The following FAT4 variants were observed in gnomAD, a reference collection of about 807,000 sequenced individuals.
FAT4 encodes FAT atypical cadherin 4, also known as protocadherin Fat 4.
A neutral mutation model predicts 303.9 loss-of-function variants in FAT4; 84 were observed. The ratio of observed to expected loss-of-function variants is 0.28; its 90% CI spans 0.23 to 0.33. The LOEUF (loss-of-function observed/expected upper bound fraction) is 0.33, where lower values mean the gene tolerates loss of function less well. Among genes scored for constraint, FAT4 ranks in the 10% least tolerant of loss-of-function variants. The pLI is 1.00. For missense variants in FAT4, 6,005 were observed against 6,146.8 expected (o/e 0.98, Z 0.77); for synonymous variants, 2,307 against 2,298.8 (o/e 1.00, Z -0.10).
intron 2 of FAT4, among the ~76,000 whole-genome samples, chr4:125,388,618 C>T (rs1268147620): frequency 1.3e-5 from 2 of 152,070 alleles, no homozygotes; most frequent in Non-Finnish European, 2.9e-5. Context: ...TCTGCATTTA[C>T]TTTTGAGCAT....
chr4:125,385,965 T>C (rs1403345506), intron 2 of FAT4, among the ~76,000 whole-genome samples: 1 of 152,172 alleles, frequency 6.6e-6, no homozygotes, highest in Non-Finnish European at 1.5e-5. Flanking sequence ...ATTTATTTTG[T>C]GATTTATTTC....
At position 125,490,247 on chromosome 4, in the gene FAT4, G is replaced by C; in HGVS notation, c.13431G>C (p.Gln4477His). 2 of 1,614,124 alleles carry C rather than the reference G, an allele frequency of 1.2e-6. No individual in the cohort carries two copies. The highest frequency in any genetic ancestry group is 1.7e-6 in the Non-Finnish European group (2 of 1,180,028). Reference sequence around the variant, plus strand: ...CCTGTCTTGGCGTCCTCTGTCCTCAGGGGAAGGTGTGCAAAGCTGGAAGTC... The same window carrying C: ...CCTGTCTTGGCGTCCTCTGTCCTCACGGGAAGGTGTGCAAAGCTGGAAGTC... ...VVACLGVLCPQGKVCKAGSPA... is the reference protein window; with the variant it reads ...VVACLGVLCPHGKVCKAGSPA... The change falls in exon 18 of 18, where the codon CAG (glutamine) becomes CAC (histidine). Residue 4477 changes from glutamine (Q) to histidine (H), a missense_variant. Gln to His is a conservative substitution (Grantham distance 24). Coordinates refer to ENST00000394329, the MANE Select transcript of FAT4 (RefSeq NM_001291303.3).
chr4:125,416,728 T>G lies in FAT4; in HGVS notation c.7018+106T>G, dbSNP rs181077627. ...TGGGAGGCCAAGGTGGATGGATTAC[T>G]TGAGGTCGGGAGTTCAAGACCAGCC... On this transcript the variant is annotated intron_variant, in intron 7 of 17. Coordinates refer to ENST00000394329, the MANE Select transcript of FAT4 (RefSeq NM_001291303.3). The G allele has an allele frequency of 1.2e-3, 1,329 of 1,136,970 alleles. 5 individuals carry two copies. The highest frequency in any genetic ancestry group is 5.4e-3 in the Admixed American group (254 of 46,666). The allele number at this position is 1,136,970 out of a possible 1,614,324, so 70.4% of individuals were successfully genotyped here.
intron 7 of FAT4, among the ~76,000 whole-genome samples, chr4:125,432,875 A>G (rs190187317): frequency 2.4e-4 from 36 of 152,170 alleles, no homozygotes; most frequent in Admixed American, 5.2e-4. Flanking sequence ...TAATTGCATC[A>G]TTTTCTGGGA....
chr4:125,344,020 G>C (rs1307702044), intron 2 of FAT4, among the ~76,000 whole-genome samples: 1 of 152,118 alleles, frequency 6.6e-6, no homozygotes, highest in Non-Finnish European at 1.5e-5. Context: ...TGTATTAGGA[G>C]AGAGAGCCTT....
At position 125,317,412 on chromosome 4, in the gene FAT4, C is replaced by T; in HGVS notation, c.1001C>T (p.Thr334Ile). 2 of 1,613,572 alleles carry T rather than the reference C, an allele frequency of 1.2e-6. No individual in the cohort carries two copies. The highest frequency in any genetic ancestry group is 1.7e-6 in the Non-Finnish European group (2 of 1,180,040). ...ATGGACAGAGGCGTGCCTTCCCTCACTGGGCGCGCCGAGGCGCTGATTCAG... is the reference window on the plus strand; with the variant it reads ...ATGGACAGAGGCGTGCCTTCCCTCATTGGGCGCGCCGAGGCGCTGATTCAG... Reference protein sequence around the residue: ...QAMDRGVPSLTGRAEALIQLL... With the variant: ...QAMDRGVPSLIGRAEALIQLL... Residue 334 changes from threonine (T) to isoleucine (I), a missense_variant, in exon 2 of 18, where the codon ACT (threonine) becomes ATT (isoleucine). Thr to Ile is a moderately conservative substitution (Grantham distance 89). Transcript: ENST00000394329. This position sits in a 1 kb window ranked among gnomAD's most constrained non-coding sequence, Gnocchi z 7.0.
At chr4:125,343,093 T>C (rs968583101) in intron 2 of FAT4, among the ~76,000 whole-genome samples, 2 of 152,182 alleles carry the variant, frequency 1.3e-5, no homozygotes, top group African/African-American at 4.8e-5. Flanking sequence ...TTTACGCTTT[T>C]AAAATCATAT....
At chr4:125,391,167 G>T (rs540003182) in intron 2 of FAT4, among the ~76,000 whole-genome samples, 1 of 152,048 alleles carries the variant, frequency 6.6e-6, no homozygotes, top group Non-Finnish European at 1.5e-5. Context: ...CCCATTACTG[G>T]GTATATACCC....
chr4:125,328,876 G>A (rs1161368920), intron 2 of FAT4, among the ~76,000 whole-genome samples: 4 of 152,218 alleles, frequency 2.6e-5, no homozygotes, highest in African/African-American at 9.6e-5. Flanking sequence ...ACTAACTAAT[G>A]CTACTTGTAA....
chr4:125,468,470 T>G, intron 11 of FAT4, 42 bp from the exon 12 acceptor site: 1 of 1,328,500 alleles, frequency 7.5e-7, no homozygotes. Context: ...AATAAAATTT[T>G]CATGAAATTT....
chr4:125,356,804 A>G (rs1732444659), intron 2 of FAT4, among the ~76,000 whole-genome samples: 1 of 149,646 alleles, frequency 6.7e-6, no homozygotes, highest in Non-Finnish European at 1.5e-5. Context: ...AATATAAGAT[A>G]TGATAATATA....
At chr4:125,425,613 A>T (rs970955803) in intron 7 of FAT4, among the ~76,000 whole-genome samples, 2 of 152,140 alleles carry the variant, frequency 1.3e-5, no homozygotes, top group African/African-American at 4.8e-5. Flanking sequence ...AGTATAAAGT[A>T]CAAAGCGAAT....
In FAT4 at chr4:125,398,805, A is replaced by G. The variant is rs754723987; in HGVS notation, c.5197A>G (p.Ile1733Val). 2 of 1,613,178 alleles carry G rather than the reference A, an allele frequency of 1.2e-6. No individual in the cohort carries two copies. The highest frequency in any genetic ancestry group is 1.7e-6 in the Non-Finnish European group (2 of 1,179,342). Residue 1733 changes from isoleucine (I) to valine (V), a missense_variant, in exon 3 of 18, where the codon ATC (isoleucine) becomes GTC (valine). By Grantham distance (29) the Ile-to-Val change is conservative (BLOSUM62 3). Coordinates refer to ENST00000394329, the MANE Select transcript of FAT4 (RefSeq NM_001291303.3). Reference sequence around the variant, plus strand: ...GTAGGTAGAAATAACACTTCAGGATATCAATGACAATCCACCAGTATTTCC... The same window carrying G: ...GTAGGTAGAAATAACACTTCAGGATGTCAATGACAATCCACCAGTATTTCC... Reference protein sequence around the residue: ...RAEVEITLQDINDNPPVFPTD... With the variant: ...RAEVEITLQDVNDNPPVFPTD...
Position 125,449,541 on chromosome 4 carries a change from G to A in FAT4, c.8531G>A (p.Arg2844Lys). The A allele has an allele frequency of 6.2e-7, 1 of 1,613,536 alleles. No homozygotes were observed. Among genetic ancestry groups the A allele is most frequent in the South Asian group, 1.1e-5 (1 of 91,066 alleles). ...PLNREDTDRYRIRVSAHDSGW... is the reference protein window; with the variant it reads ...PLNREDTDRYKIRVSAHDSGW... ...AATAGGGAAGATACAGACCGTTACA[G>A]AATTCGAGTTTCCGCACATGATTCT... Residue 2844 changes from arginine (R) to lysine (K), a missense_variant, in exon 10 of 18, where the codon AGA becomes AAA. Physicochemically the swap from Arg to Lys is conservative, Grantham distance 26. Transcript: ENST00000394329.
At chr4:125,440,890 A>G (rs2135427) in intron 8 of FAT4, among the ~76,000 whole-genome samples, 151,212 of 152,248 alleles carry the variant, frequency 0.99, 75,097 homozygotes, top group Middle Eastern at 1. Flanking sequence ...CACACCTTGC[A>G]GCTAAGGGTC....
rs769002810 is a variant in FAT4, at chr4:125,490,057, A to G, written c.13241A>G (p.Asp4414Gly). The G allele has an allele frequency of 2.5e-6, 4 of 1,613,758 alleles. No homozygotes were observed. The highest frequency in any genetic ancestry group is 3.4e-6 in the Non-Finnish European group (4 of 1,179,968). ...NICASNPCWG[D>G]LLCINQWYAY... ...TGTGCCAGCAACCCCTGCTGGGGTG[A>G]TTTGCTGTGCATTAATCAGTGGTAT... Residue 4414 changes from aspartate to glycine, a missense_variant, in exon 18 of 18, where the codon GAT becomes GGT. Coordinates refer to ENST00000394329, the MANE Select transcript of FAT4 (RefSeq NM_001291303.3).
chr4:125,370,997 A>T (rs1015573850), intron 2 of FAT4, among the ~76,000 whole-genome samples: 10 of 151,842 alleles, frequency 6.6e-5, no homozygotes, highest in Admixed American at 1.3e-4. Context: ...ACTACAAAAA[A>T]ATTAGCCAGG....
chr4:125,470,723 T>A (rs921771252), intron 12 of FAT4, among the ~76,000 whole-genome samples: 1 of 152,232 alleles, frequency 6.6e-6, no homozygotes, highest in Non-Finnish European at 1.5e-5. Flanking sequence ...CTTAAGGGAA[T>A]GTTGTAACAG....
chr4:125,395,837 A>C (rs940709667), intron 2 of FAT4, among the ~76,000 whole-genome samples: 1 of 152,172 alleles, frequency 6.6e-6, no homozygotes, highest in Non-Finnish European at 1.5e-5. Context: ...AACTAAATTT[A>C]CTATCTCTAC....
Sources: gnomAD v4.1 joint callset for allele counts (sites outside exome capture counted in the v4.1 genomes callset) on GRCh38, gnomAD v4.1.1 for gene constraint, Gnocchi (gnomAD v3.1) non-coding constraint, MANE v1.5 for transcripts, NCBI Gene and HGNC (gene_info 2026-07-23, HGNC 2026-07-21) for gene names.